PDE4D: variants seen among roughly 807,000 people sequenced by gnomAD.
The protein encoded by PDE4D is phosphodiesterase 4D, also known as 3',5'-cyclic-AMP phosphodiesterase 4D.
A neutral mutation model predicts 87.4 loss-of-function variants in PDE4D; 24 were observed. The observed-to-expected ratio is 0.27, with a 90% confidence interval of 0.20 to 0.39. The LOEUF is 0.39. PDE4D is among the 10% of genes least tolerant of loss of function. The pLI, the probability that PDE4D is intolerant of heterozygous loss-of-function variation, is 1.00. For missense variants in PDE4D, 714 were observed against 1,041.0 expected, an observed-to-expected ratio of 0.69 and a Z score of 4.32; for synonymous variants, 384 against 383.2, an observed-to-expected ratio of 1.00 and a Z score of -0.02.
At chr5:60,487,225 T>C (rs969366503) in intron 1 of PDE4D, among the ~76,000 whole-genome samples, 11 of 152,330 alleles carry the variant, frequency 7.2e-5, no homozygotes, top group Admixed American at 7.2e-4. Flanking sequence ...CCTGGCTTAA[T>C]TTGATCTGCT....
chr5:59,006,230 T>A (rs952095986), intron 6 of PDE4D, among the ~76,000 whole-genome samples: 3 of 152,214 alleles, frequency 2.0e-5, no homozygotes, highest in Non-Finnish European at 4.4e-5. Context: ...GCCCAAATGA[T>A]TTTATATACA....
At chr5:59,768,147 A>C in intron 1 of PDE4D, 1 of 1,398,518 alleles carries the variant, frequency 7.2e-7, no homozygotes, top group Non-Finnish European at 9.7e-7. Context: ...GTGAGGAATG[A>C]TGATGGTCCT....
chr5:60,053,489 T>C (rs1770437019), intron 2 of PDE4D, among the ~76,000 whole-genome samples: 1 of 152,202 alleles, frequency 6.6e-6, no homozygotes, highest in Admixed American at 6.5e-5. Flanking sequence ...GCTAACCATA[T>C]GCAGGAAACT....
chr5:59,506,845 C>G (rs1809353272), intron 1 of PDE4D, among the ~76,000 whole-genome samples: 1 of 152,098 alleles, frequency 6.6e-6, no homozygotes, highest in African/African-American at 2.4e-5. Flanking sequence ...TGGTTGGAAT[C>G]TAAATTGAAG....
At chr5:60,044,553 C>T (rs1768966351) in intron 2 of PDE4D, among the ~76,000 whole-genome samples, 2 of 151,996 alleles carry the variant, frequency 1.3e-5, no homozygotes, top group East Asian at 1.9e-4. Flanking sequence ...TGTGATATTC[C>T]CCTTCCTGTG....
intron 1 of PDE4D, chr5:59,217,927 G>T (rs536516511): frequency 1.2e-5 from 5 of 423,314 alleles, no homozygotes; most frequent in African/African-American, 1.0e-4. Flanking sequence ...TGCTTAAATA[G>T]GCATTTATTA....
chr5:59,196,195 T>C (rs1285174079), intron 2 of PDE4D, among the ~76,000 whole-genome samples: 2 of 152,238 alleles, frequency 1.3e-5, no homozygotes, highest in Non-Finnish European at 2.9e-5. Flanking sequence ...ACAACAATGT[T>C]GCAAGGTAGG....
chr5:59,174,922 A>T (rs62357971), intron 5 of PDE4D, among the ~76,000 whole-genome samples: 7,948 of 152,272 alleles, frequency 0.052, 258 homozygotes, highest in South Asian at 0.068. Flanking sequence ...CTTGCATGAA[A>T]ATCCTCTAAT....
At chr5:60,119,533 TTTTCTGGA>T (rs1778481355) in intron 2 of PDE4D, among the ~76,000 whole-genome samples, 1 of 152,192 alleles carries the variant, frequency 6.6e-6, no homozygotes, top group Non-Finnish European at 1.5e-5. Flanking sequence ...TGGAATTAGA[TTTTCTGGA>T]TTTAAATCTC....
chr5:59,945,929 T>A (rs547071553), intron 3 of PDE4D, among the ~76,000 whole-genome samples: 1 of 152,266 alleles, frequency 6.6e-6, no homozygotes, highest in Admixed American at 6.5e-5. Flanking sequence ...ATTGTGTAGC[T>A]CTAACAGCCC....
chr5:60,402,410 A>G (rs1227707501), intron 1 of PDE4D, among the ~76,000 whole-genome samples: 1 of 152,190 alleles, frequency 6.6e-6, no homozygotes, highest in Non-Finnish European at 1.5e-5. Context: ...ACATGAGACA[A>G]TGTGTGTGAA....
At chr5:60,118,611 CAATA>C (rs912053041) in intron 2 of PDE4D, among the ~76,000 whole-genome samples, 2 of 143,940 alleles carry the variant, frequency 1.4e-5, no homozygotes, top group African/African-American at 5.3e-5. Context: ...TGAGAATCTG[CAATA>C]AATAAATAAA....
chr5:59,124,729 A>G (rs749091024), intron 5 of PDE4D, among the ~76,000 whole-genome samples: 4 of 152,238 alleles, frequency 2.6e-5, no homozygotes, highest in Admixed American at 1.3e-4. Context: ...GAATAAGAAC[A>G]TATATAGTAA....
At chr5:60,314,292 G>A (rs564702835) in intron 1 of PDE4D, among the ~76,000 whole-genome samples, 1 of 151,500 alleles carries the variant, frequency 6.6e-6, no homozygotes, top group East Asian at 2.0e-4. Context: ...TCAGCCTCCC[G>A]AGTAGCTGGG....
intron 1 of PDE4D, among the ~76,000 whole-genome samples, chr5:60,496,600 T>C (rs906646413): frequency 1.3e-5 from 2 of 152,136 alleles, no homozygotes; most frequent in Non-Finnish European, 2.9e-5. Context: ...AAACTGTGTA[T>C]GACAAAAAAA....
intron 1 of PDE4D, among the ~76,000 whole-genome samples, chr5:59,404,856 C>A (rs186159448): frequency 1.4e-4 from 21 of 152,132 alleles, no homozygotes; most frequent in African/African-American, 4.6e-4. Context: ...TTCCCAGAAC[C>A]ATTTATTGAA....
chr5:60,230,721 T>G (rs1193684802), intron 1 of PDE4D, among the ~76,000 whole-genome samples: 2 of 152,084 alleles, frequency 1.3e-5, no homozygotes, highest in Non-Finnish European at 2.9e-5. Flanking sequence ...CTAGACTAAA[T>G]GAATATGATG....
chr5:60,274,421 T>C (rs1751151311), intron 1 of PDE4D, among the ~76,000 whole-genome samples: 1 of 152,048 alleles, frequency 6.6e-6, no homozygotes, highest in South Asian at 2.1e-4. Flanking sequence ...AGTGCAGTGG[T>C]GCAATCTCGA....
At chr5:60,322,408 ACAC>A (rs1562323185) in intron 1 of PDE4D, among the ~76,000 whole-genome samples, 9 of 131,272 alleles carry the variant, frequency 6.9e-5, no homozygotes, top group African/African-American at 2.5e-4. Flanking sequence ...ACACACACAC[ACAC>A]ACACAAAACC....
Sources: allele counts gnomAD v4.1 joint callset (sites outside exome capture counted in the v4.1 genomes callset), GRCh38; gene constraint gnomAD v4.1.1; transcripts MANE v1.5; gene names NCBI Gene and HGNC (gene_info 2026-07-23, HGNC 2026-07-21).